CNTLN: variants seen among roughly 807,000 people sequenced by gnomAD.
The protein encoded by CNTLN is centlein.
In CNTLN, 212 loss-of-function variants were observed where a neutral mutation model predicts 180.0. The observed-to-expected ratio is 1.18, with a 90% CI of 1.05 to 1.32. The LOEUF (loss-of-function observed/expected upper bound fraction) is 1.32. Among genes scored for constraint, CNTLN ranks in the 40% most tolerant of loss-of-function variants. CNTLN has a pLI of 0.00. For synonymous variants in CNTLN, 722 were observed against 563.1 expected (o/e 1.28, Z -3.99); for missense variants, 2,095 against 1,610.9 (o/e 1.30, Z -5.14).
chr9:17,445,875 CA>C (rs1413432154), intron 18 of CNTLN, among the ~76,000 whole-genome samples: 1 of 152,078 alleles, frequency 6.6e-6, no homozygotes, highest in African/African-American at 2.4e-5. Context: ...TGTCCCTGGG[CA>C]ATGGAATGTC....
chr9:17,442,571 TG>T (rs1830172579), intron 18 of CNTLN, among the ~76,000 whole-genome samples: 2 of 152,198 alleles, frequency 1.3e-5, no homozygotes, highest in South Asian at 4.1e-4. Context: ...GCTAATTTTT[TG>T]TATTTTTGGA....
chr9:17,335,957 C>G (rs13287871), intron 10 of CNTLN, among the ~76,000 whole-genome samples: 2,831 of 150,132 alleles, frequency 0.019, 32 homozygotes, highest in Non-Finnish European at 0.03. Context: ...GTTAGAGCTT[C>G]TAGTTTAGCT....
chr9:17,280,696 C>A (rs1828607746), intron 6 of CNTLN, among the ~76,000 whole-genome samples: 1 of 152,170 alleles, frequency 6.6e-6, no homozygotes, highest in Non-Finnish European at 1.5e-5. Flanking sequence ...GAAACTGTGC[C>A]CTAGAGCAAG....
At chr9:17,156,623 T>C (rs1197255758) in intron 2 of CNTLN, among the ~76,000 whole-genome samples, 1 of 152,212 alleles carries the variant, frequency 6.6e-6, no homozygotes, top group Non-Finnish European at 1.5e-5. Context: ...AATAGGATCT[T>C]ATTCAGATTC....
chr9:17,235,672 G>C lies in CNTLN; in HGVS notation c.549G>C (p.Leu183=), dbSNP rs751346501. The C allele has an allele frequency of 1.1e-5, 18 of 1,603,042 alleles. No individual in the cohort carries two copies. The highest frequency in any genetic ancestry group is 1.5e-5 in the Non-Finnish European group (18 of 1,175,538). ...IQEFEQRESV[L]KQEINDLVKR... is the part of the protein sequence containing the mutation. ...TTTTTCCACAGAGAGAGTCAGTACT[G>C]AAACAGGAAATAAATGACCTTGTAA... The change falls in exon 4 of 26, where the codon CTG becomes CTC. Residue 183 remains leucine (L), a synonymous_variant. Coordinates refer to ENST00000380647, the MANE Select transcript of CNTLN (RefSeq NM_017738.4).
At chr9:17,237,332 G>A (rs184629923) in intron 5 of CNTLN, among the ~76,000 whole-genome samples, 1 of 143,588 alleles carries the variant, frequency 7.0e-6, no homozygotes, top group East Asian at 2.1e-4. Flanking sequence ...TAAATATGGT[G>A]GTCTCTCCAT....
At chr9:17,497,183 A>G (rs1019146646) in intron 25 of CNTLN, among the ~76,000 whole-genome samples, 1 of 152,150 alleles carries the variant, frequency 6.6e-6, no homozygotes, top group African/African-American at 2.4e-5. Context: ...AATATTGGTC[A>G]TCAGTTAGGG....
At chr9:17,312,918 T>C (rs1819305325) in intron 8 of CNTLN, among the ~76,000 whole-genome samples, 1 of 152,160 alleles carries the variant, frequency 6.6e-6, no homozygotes, top group Non-Finnish European at 1.5e-5. Context: ...TAGAAAGGAG[T>C]GTTAAAATCT....
Position 17,309,049 on chromosome 9 carries a change from T to C in CNTLN, c.1147-9T>C. ...TATTAATATAATTTGGATATATTTT[T>C]TGAAACAGCTTTACAATGAGTTACA... On this transcript the variant is annotated splice_polypyrimidine_tract_variant and intron_variant, in intron 7 of 25. Transcript: ENST00000380647. 6.5e-7 allele frequency: 1 copy of C among 1,549,698 alleles called. No individual in the cohort carries two copies. Among genetic ancestry groups the C allele is most frequent in the Non-Finnish European group, 8.7e-7 (1 of 1,152,078 alleles).
chr9:17,527,435 C>T, the CNTLN span, among the ~76,000 whole-genome samples: 5 of 152,154 alleles, frequency 3.3e-5, no homozygotes, highest in Admixed American at 3.3e-4. Flanking sequence ...TCTCACTGTG[C>T]TCTAGTTGAT....
intron 13 of CNTLN, among the ~76,000 whole-genome samples, chr9:17,371,552 A>T (rs371748054): frequency 1.3e-4 from 20 of 152,290 alleles, no homozygotes; most frequent in Admixed American, 1.3e-4. Context: ...TCAGCATTGG[A>T]CAGATCTTCC....
chr9:17,391,310 T>C (rs1826094953), intron 14 of CNTLN, among the ~76,000 whole-genome samples: 1 of 152,140 alleles, frequency 6.6e-6, no homozygotes, highest in South Asian at 2.1e-4. Flanking sequence ...AGGGAGAAAG[T>C]GACCTTTCTT....
intron 5 of CNTLN, among the ~76,000 whole-genome samples, chr9:17,265,321 C>G (rs998116991): frequency 1.3e-5 from 2 of 152,056 alleles, no homozygotes; most frequent in African/African-American, 4.8e-5. Flanking sequence ...GTCTTTAGTT[C>G]TGTTTATATG....
At chr9:17,404,045 G>C (rs543671728) in intron 15 of CNTLN, among the ~76,000 whole-genome samples, 1 of 151,772 alleles carries the variant, frequency 6.6e-6, no homozygotes, top group South Asian at 2.1e-4. Context: ...CAAAGTGCTG[G>C]AATTACAGGT....
At chr9:17,208,473 G>A (rs372154469) in intron 2 of CNTLN, among the ~76,000 whole-genome samples, 13 of 152,112 alleles carry the variant, frequency 8.5e-5, no homozygotes, top group African/African-American at 2.7e-4. Flanking sequence ...ATCAGGGTAA[G>A]ACTAGCCTTG....
At chr9:17,181,779 C>CT (rs937045409) in intron 2 of CNTLN, among the ~76,000 whole-genome samples, 11 of 152,286 alleles carry the variant, frequency 7.2e-5, no homozygotes, top group Admixed American at 4.6e-4. Flanking sequence ...ATATGATGCT[C>CT]TTTTTTATTG....
downstream of CNTLN, among the ~76,000 whole-genome samples, chr9:17,507,315 A>G (rs1833950063): frequency 1.3e-5 from 2 of 152,088 alleles, no homozygotes; most frequent in Non-Finnish European, 2.9e-5. Context: ...TGCACAGGCT[A>G]TGCTTTTGTT....
intron 2 of CNTLN, among the ~76,000 whole-genome samples, chr9:17,154,162 C>G (rs998116585): frequency 6.6e-6 from 1 of 152,180 alleles, no homozygotes; most frequent in Non-Finnish European, 1.5e-5. Context: ...TCTGTCAGTT[C>G]GTCAAACTCA....
In CNTLN at chr9:17,290,657, C is replaced by T. The variant is rs955644133; in HGVS notation, c.984-7533C>T. Reference sequence around the variant, plus strand: ...CTCAGACTGCTGTGCTAGCAATCAGCGAGACTCCGTGGGCGTAGGACCCTC... The same window carrying T: ...CTCAGACTGCTGTGCTAGCAATCAGTGAGACTCCGTGGGCGTAGGACCCTC... On this transcript the variant is annotated intron_variant, in intron 6 of 25. Coordinates refer to ENST00000380647, the MANE Select transcript of CNTLN (RefSeq NM_017738.4). Among the ~76,000 whole-genome samples the T allele has an allele frequency of 4.3e-4, 64 of 148,324 alleles. 1 individual carries two copies. The highest frequency in any genetic ancestry group is 7.1e-3 in the Middle Eastern group (2 of 280).
Sources: allele counts gnomAD v4.1 joint callset (sites outside exome capture counted in the v4.1 genomes callset), GRCh38; gene constraint gnomAD v4.1.1; transcripts MANE v1.5; gene names NCBI Gene and HGNC (gene_info 2026-07-23, HGNC 2026-07-21).